KIF26B: variants seen among roughly 807,000 people sequenced by gnomAD.
The protein encoded by KIF26B is kinesin-like protein KIF26B.
KIF26B carries 63 observed loss-of-function variants against 151.2 expected under a neutral mutation model. The observed-to-expected ratio is 0.42, with a 90% CI of 0.34 to 0.51. KIF26B has a LOEUF of 0.51. Among genes scored for constraint, KIF26B ranks in the 20% least tolerant of loss-of-function variants. KIF26B has a pLI of 0.07. For synonymous variants in KIF26B, 1,357 were observed against 1,262.1 expected, an observed-to-expected ratio of 1.08 and a Z score of -1.59; for missense variants, 2,813 against 2,913.6, an observed-to-expected ratio of 0.97 and a Z score of 0.79.
At chr1:245,659,299 A>G (rs534555169) in intron 10 of KIF26B, among the ~76,000 whole-genome samples, 18 of 152,286 alleles carry the variant, frequency 1.2e-4, no homozygotes, top group African/African-American at 4.3e-4. Context: ...ACTAATCTGA[A>G]TGAAACCAGC....
At chr1:245,622,913 C>T (rs938795215) in intron 9 of KIF26B, among the ~76,000 whole-genome samples, 13 of 152,076 alleles carry the variant, frequency 8.5e-5, no homozygotes, top group East Asian at 1.9e-4. Context: ...CGGCCTTCTC[C>T]GGCTGCTTCG....
intron 4 of KIF26B, among the ~76,000 whole-genome samples, chr1:245,452,472 C>T (rs959775861): frequency 4.6e-5 from 7 of 152,038 alleles, no homozygotes; most frequent in East Asian, 1.9e-4. Flanking sequence ...GTGGAATTGC[C>T]GAGTCATACA....
rs991609582 is a variant in KIF26B, at chr1:245,708,564, C to T, written c.*5958C>T. On this transcript the variant is annotated 3_prime_UTR_variant, in exon 15 of 15. Coordinates refer to ENST00000407071, the MANE Select transcript of KIF26B (RefSeq NM_018012.4). ...GAGTTCTAATTCCAGCTTTGCCAGT[C>T]GTCCCGTCCGTGATATATTCCATAG... The T allele has an allele frequency of 3.3e-5, 5 of 152,140 alleles. No homozygotes were observed. The highest frequency in any genetic ancestry group is 3.4e-3 in the Middle Eastern group (1 of 294). The allele number at this position is 152,140 out of a possible 1,614,324, so 9.4% of individuals were successfully genotyped here. A position where few individuals can be genotyped will look rare whatever the true frequency, so the allele number is the denominator to read the frequency against.
chr1:245,670,226 T>C (rs2044265977), intron 10 of KIF26B, among the ~76,000 whole-genome samples: 1 of 142,398 alleles, frequency 7.0e-6, no homozygotes, highest in Non-Finnish European at 1.5e-5. Context: ...TAATATTCCA[T>C]CGTATGCGTG....
At position 245,686,142 on chromosome 1, in the gene KIF26B, C is replaced by T. The variant is rs201841118; in HGVS notation, c.3159C>T (p.Cys1053=). Reference sequence around the variant, plus strand: ...GCAGCCGGGAGAGCCTCAACTCCTGCGGCTTCGTGGAAGGCAAGCCCAGGC... The same window carrying T: ...GCAGCCGGGAGAGCCTCAACTCCTGTGGCTTCGTGGAAGGCAAGCCCAGGC... ...LQSSRESLNS[C]GFVEGKPRPM... The change falls in exon 12 of 15, where the codon TGC becomes TGT. Residue 1053 remains cysteine, a synonymous_variant. Transcript: ENST00000407071. This position sits in a 1 kb window ranked among gnomAD's most constrained non-coding sequence, Gnocchi z 5.6. 11,167 of 1,612,040 alleles carry T rather than the reference C, an allele frequency of 6.9e-3. 44 individuals are homozygous for T. The highest frequency in any genetic ancestry group is 8.4e-3 in the Non-Finnish European group (9,873 of 1,179,602).
intron 2 of KIF26B, among the ~76,000 whole-genome samples, chr1:245,180,646 C>G (rs1302855865): frequency 6.6e-6 from 1 of 151,858 alleles, no homozygotes; most frequent in Non-Finnish European, 1.5e-5. Context: ...CAGCTGTGCT[C>G]ATGTGGTCCG....
rs866897558 is a variant in KIF26B at position 245,700,835 on chromosome 1, G to A, written c.6179-1623G>A. Among the ~76,000 whole-genome samples the A allele has an allele frequency of 6.6e-5, 10 of 152,328 alleles. No individual in the cohort carries two copies. The South Asian group carries it at 1.0e-3, about 16-fold the overall frequency. On this transcript the variant is annotated intron_variant, in intron 14 of 14. Transcript: ENST00000407071. ...TACTGTCTGCGCGTGACATGCGCAC[G>A]GGGCGCTGTGCTTATCCCTCCCCGC...
Position 245,688,174 on chromosome 1 carries a change from A to C in KIF26B, c.5191A>C (p.Lys1731Gln), listed in dbSNP as rs2044563036. Residue 1731 changes from lysine (K) to glutamine (Q), a missense_variant, in exon 12 of 15, where the codon AAG becomes CAG. Physicochemically the swap from Lys to Gln is moderately conservative, Grantham distance 53. Transcript: ENST00000407071. The stretch of plus-strand genomic sequence containing the variant: ...GGCCTCGCCCAAGGCCGGCCAGTCC[A>C]AGATCTCCGCCGTGAGCAGACTCCT... ...SGASPKAGQS[K>Q]ISAVSRLLLA... is the part of the protein sequence containing the mutation. 1 of 1,597,392 alleles carries C rather than the reference A, an allele frequency of 6.3e-7. No homozygotes were observed. Among genetic ancestry groups the C allele is most frequent in the Non-Finnish European group, 8.5e-7 (1 of 1,178,658 alleles).
At chr1:245,553,809 T>A (rs113467620) in intron 5 of KIF26B, among the ~76,000 whole-genome samples, 100 of 152,210 alleles carry the variant, frequency 6.6e-4, no homozygotes, top group African/African-American at 2.4e-3. Context: ...ACCCGGGTGA[T>A]TCCATTTCAT....
At chr1:245,461,536 C>T (rs1367737310) in intron 4 of KIF26B, among the ~76,000 whole-genome samples, 1 of 152,116 alleles carries the variant, frequency 6.6e-6, no homozygotes, top group Non-Finnish European at 1.5e-5. Flanking sequence ...AGGGCAGGGT[C>T]GTTTGTTGAG....
At position 245,702,877 on chromosome 1, in the gene KIF26B, A is replaced by G; in HGVS notation, c.*271A>G. 1 of 393,156 alleles carries G rather than the reference A, an allele frequency of 2.5e-6. No homozygotes were observed. Among genetic ancestry groups the G allele is most frequent in the South Asian group, 9.7e-5 (1 of 10,266 alleles). The allele number at this position is 393,156 out of a possible 1,614,324, so 24.4% of individuals were successfully genotyped here. A position where few individuals can be genotyped will look rare whatever the true frequency, so the allele number is the denominator to read the frequency against. The stretch of plus-strand genomic sequence containing the variant: ...CTGAAAAAGCACTTTGAGGAACCTT[A>G]AAGACCTTGTTTGTACATAAGAACT... On this transcript the variant is annotated 3_prime_UTR_variant, in exon 15 of 15. Transcript: ENST00000407071. This position sits in a 1 kb window ranked among gnomAD's most constrained non-coding sequence, Gnocchi z 4.1.
At chr1:245,535,090 C>G (rs1435090683) in intron 4 of KIF26B, among the ~76,000 whole-genome samples, 1 of 152,120 alleles carries the variant, frequency 6.6e-6, no homozygotes, top group African/African-American at 2.4e-5. Context: ...GCCGTCTTTA[C>G]CTTTTCAATT....
At chr1:245,491,486 A>ACTTGGC (rs1193698819) in intron 4 of KIF26B, among the ~76,000 whole-genome samples, 1 of 152,140 alleles carries the variant, frequency 6.6e-6, no homozygotes, top group African/African-American at 2.4e-5. Flanking sequence ...TCCTGACCTA[A>ACTTGGC]CTTGGCCTGG....
chr1:245,692,143 G>A (rs115887585), intron 12 of KIF26B, among the ~76,000 whole-genome samples: 3 of 152,288 alleles, frequency 2.0e-5, no homozygotes, highest in Non-Finnish European at 2.9e-5. Context: ...TGTAGTCAGT[G>A]GGGTTTATTT....
chr1:245,653,066 A>G (rs2044037138), intron 10 of KIF26B, among the ~76,000 whole-genome samples: 1 of 152,190 alleles, frequency 6.6e-6, no homozygotes, highest in Non-Finnish European at 1.5e-5. Flanking sequence ...AAGCCTGCTA[A>G]TCCTAGCAGA....
intron 2 of KIF26B, among the ~76,000 whole-genome samples, chr1:245,284,101 A>G (rs1210927556): frequency 5.9e-5 from 9 of 152,072 alleles, no homozygotes; most frequent in Admixed American, 5.9e-4. Context: ...GTATCAATCA[A>G]CCCCTTGATA....
intron 2 of KIF26B, among the ~76,000 whole-genome samples, chr1:245,295,044 C>G (rs1038524562): frequency 6.6e-5 from 10 of 152,120 alleles, no homozygotes; most frequent in South Asian, 2.1e-4. Context: ...ACATCCTAGT[C>G]TCTTTCAACT....
intron 2 of KIF26B, among the ~76,000 whole-genome samples, chr1:245,311,926 T>C (rs562620393): frequency 4.6e-5 from 7 of 152,328 alleles, no homozygotes; most frequent in Admixed American, 4.6e-4. Flanking sequence ...CAAGACTCCA[T>C]CTCAGAAAAA....
chr1:245,320,119 CTG>C (rs1310759198), intron 2 of KIF26B, among the ~76,000 whole-genome samples: 2 of 152,320 alleles, frequency 1.3e-5, no homozygotes, highest in East Asian at 3.9e-4. Flanking sequence ...AGATGAGAGA[CTG>C]GAGGTTCAGA....
Sources: allele counts gnomAD v4.1 joint callset (sites outside exome capture counted in the v4.1 genomes callset), GRCh38; gene constraint gnomAD v4.1.1; non-coding constraint Gnocchi (gnomAD v3.1); transcripts MANE v1.5; gene names NCBI Gene and HGNC (gene_info 2026-07-23, HGNC 2026-07-21).